JCHAIN: variants seen among roughly 807,000 people sequenced by gnomAD.
JCHAIN encodes the protein immunoglobulin J chain.
A neutral mutation model predicts 11.1 loss-of-function variants in JCHAIN; 5 were observed. That is an observed-to-expected ratio of 0.45 (90% CI 0.24 to 0.95). The LOEUF (loss-of-function observed/expected upper bound fraction) is 0.95. Among genes scored for constraint, JCHAIN ranks in the 40% least tolerant of loss-of-function variants. JCHAIN has a pLI of 0.21. For synonymous variants in JCHAIN, 51 were observed against 67.8 expected (o/e 0.75, Z 1.22); for missense variants, 165 against 192.7 (o/e 0.86, Z 0.85).
intron 1 of JCHAIN, among the ~76,000 whole-genome samples, chr4:70,664,388 T>A (rs1739114266): frequency 6.6e-6 from 1 of 152,050 alleles, no homozygotes; most frequent in African/African-American, 2.4e-5. Flanking sequence ...ATGATCAGAA[T>A]AGTTATAATT....
chr4:70,661,935 C>T (rs183644986), intron 2 of JCHAIN, among the ~76,000 whole-genome samples, 157 bp downstream of exon 2: 1 of 152,290 alleles, frequency 6.6e-6, no homozygotes, highest in Admixed American at 6.5e-5. Context: ...AATAAAATTG[C>T]CTCAAGCTCA....
intron 2 of JCHAIN, among the ~76,000 whole-genome samples, chr4:70,660,688 T>C (rs1176140840): frequency 1.3e-5 from 2 of 152,040 alleles, no homozygotes; most frequent in Admixed American, 1.3e-4. Flanking sequence ...CCAGCCCCAG[T>C]AGTGCTGAAT....
chr4:70,665,867 T>C, intron 1 of JCHAIN: 1 of 348,570 alleles, frequency 2.9e-6, no homozygotes, highest in South Asian at 2.2e-5. Flanking sequence ...TACCTCTAAA[T>C]TCAGAATGTA....
Position 70,661,588 on chromosome 4 carries a change from G to A in JCHAIN, c.188+504C>T, listed in dbSNP as rs752693438. ...GAGGATCGCTTGAGCTCAGAAGTTCGAGAACAGCCTGGGCAACATAGTGAG... is the reference window on the plus strand; with the variant it reads ...GAGGATCGCTTGAGCTCAGAAGTTCAAGAACAGCCTGGGCAACATAGTGAG... On this transcript the variant is annotated intron_variant, in intron 2 of 3. Coordinates refer to ENST00000254801, the MANE Select transcript of JCHAIN (RefSeq NM_144646.4). Among the ~76,000 whole-genome samples, 19 of 152,202 alleles carry A rather than the reference G, an allele frequency of 1.2e-4. No homozygotes were observed. In the Middle Eastern group the frequency reaches 0.017, roughly 136 times the overall value.
At chr4:70,657,164 C>A in intron 3 of JCHAIN, 47 bp downstream of exon 3, 1 of 961,342 alleles carries the variant, frequency 1.0e-6, no homozygotes, top group Non-Finnish European at 1.6e-6. Flanking sequence ...AAATTAAAAG[C>A]TATTAACTTC....
Position 70,656,087 on chromosome 4 carries a change from G to A in JCHAIN, c.*242C>T, listed in dbSNP as rs1458117433. 7 of 459,690 alleles carry A rather than the reference G, an allele frequency of 1.5e-5. No homozygotes were observed. The highest frequency in any genetic ancestry group is 9.8e-5 in the South Asian group (3 of 30,552). 28.5% of individuals were successfully genotyped at this position (459,690 alleles called of 1,614,324 possible). A position where few individuals can be genotyped will look rare whatever the true frequency, so the allele number is the denominator to read the frequency against. ...CTAAGAGAGCATACCTCTTTCAGGT[G>A]AGCATGATAATTGGAAGATTTTGAT... On this transcript the variant is annotated 3_prime_UTR_variant, in exon 4 of 4. Transcript: ENST00000254801.
intron 1 of JCHAIN, chr4:70,665,994 G>T: frequency 5.2e-6 from 1 of 191,218 alleles, no homozygotes. Context: ...ATAAATCTGT[G>T]GGATCAGATC....
intron 2 of JCHAIN, among the ~76,000 whole-genome samples, chr4:70,660,404 A>C (rs528335654): frequency 6.8e-6 from 1 of 146,998 alleles, no homozygotes; most frequent in East Asian, 2.0e-4. Flanking sequence ...TTTTTTGAGA[A>C]AGTCTCGCTC....
chr4:70,659,159 G>A (rs80078087), intron 2 of JCHAIN, among the ~76,000 whole-genome samples: 3,421 of 152,206 alleles, frequency 0.022, 116 homozygotes, highest in African/African-American at 0.072. Flanking sequence ...ATTCATACAT[G>A]CATAATTATC....
chr4:70,655,714 C>A lies in JCHAIN; in HGVS notation c.*615G>T, dbSNP rs556610364. 9.9e-5 allele frequency: 15 copies of A among 152,076 alleles called. No homozygotes were observed. Among genetic ancestry groups the A allele is most frequent in the African/African-American group, 3.4e-4 (14 of 41,488 alleles). 9.4% of individuals were successfully genotyped at this position (152,076 alleles called of 1,614,324 possible). A position where few individuals can be genotyped will look rare whatever the true frequency, so the allele number is the denominator to read the frequency against. Reference sequence around the variant, plus strand: ...TCATCTGCTTCCAAGTCTGTTATGTCCAAATATATTTTAATTATGCATTTA... The same window carrying A: ...TCATCTGCTTCCAAGTCTGTTATGTACAAATATATTTTAATTATGCATTTA... On this transcript the variant is annotated 3_prime_UTR_variant, in exon 4 of 4. Coordinates refer to ENST00000254801, the MANE Select transcript of JCHAIN (RefSeq NM_144646.4).
chr4:70,660,140 C>G (rs994114883), intron 2 of JCHAIN, among the ~76,000 whole-genome samples: 1 of 152,102 alleles, frequency 6.6e-6, no homozygotes, highest in Admixed American at 6.6e-5. Context: ...GTCATGTATG[C>G]CATTCTTTCC....
intron 1 of JCHAIN, among the ~76,000 whole-genome samples, chr4:70,663,869 GA>G (rs1172222149): frequency 6.6e-6 from 1 of 151,460 alleles, no homozygotes; most frequent in Non-Finnish European, 1.5e-5. Flanking sequence ...CAAATTACCA[GA>G]TTTTAAAAAT....
intron 1 of JCHAIN, chr4:70,663,531 A>G (rs1277555328): frequency 6.6e-6 from 1 of 151,828 alleles, no homozygotes; most frequent in African/African-American, 2.4e-5. Flanking sequence ...GAAATTTTGT[A>G]TCATCTGGGT....
At chr4:70,663,210 C>T (rs1356235968) in intron 1 of JCHAIN, among the ~76,000 whole-genome samples, 2 of 152,018 alleles carry the variant, frequency 1.3e-5, no homozygotes, top group African/African-American at 2.4e-5. Context: ...TGTTTATTTG[C>T]CAGAATGTCT....
At chr4:70,665,995 G>T in intron 1 of JCHAIN, 1 of 188,514 alleles carries the variant, frequency 5.3e-6, no homozygotes, top group Non-Finnish European at 1.1e-5. Flanking sequence ...TAAATCTGTG[G>T]GATCAGATCC....
At chr4:70,662,015 T>TA (rs1365485271) in intron 2 of JCHAIN, 77 bp downstream of exon 2, 8 of 1,388,348 alleles carry the variant, frequency 5.8e-6, no homozygotes, top group Non-Finnish European at 8.1e-6. Flanking sequence ...AGGCAGGTGT[T>TA]ACATTCAAAC....
chr4:70,655,587 G>A lies in JCHAIN; in HGVS notation c.*742C>T, dbSNP rs998641107. The A allele has an allele frequency of 3.9e-5, 6 of 151,996 alleles. No individual in the cohort carries two copies. Among genetic ancestry groups the A allele is most frequent in the East Asian group, 3.9e-4 (2 of 5,190 alleles). The allele number at this position is 151,996 out of a possible 1,614,324, so 9.4% of individuals were successfully genotyped here. A position where few individuals can be genotyped will look rare whatever the true frequency, so the allele number is the denominator to read the frequency against. Reference sequence around the variant, plus strand: ...TTGCTCAGACTGTGCTAGAGAATACGTACCATGAAATACATATATTTCATA... The same window carrying A: ...TTGCTCAGACTGTGCTAGAGAATACATACCATGAAATACATATATTTCATA... On this transcript the variant is annotated 3_prime_UTR_variant, in exon 4 of 4. Transcript: ENST00000254801.
At chr4:70,660,113 A>G (rs1560410663) in intron 2 of JCHAIN, among the ~76,000 whole-genome samples, 1 of 152,184 alleles carries the variant, frequency 6.6e-6, no homozygotes, top group Non-Finnish European at 1.5e-5. Flanking sequence ...ACTCTTCAAC[A>G]TGGCTTAAGT....
rs765024792 is a variant in JCHAIN at position 70,662,184 on chromosome 4, G to T, written c.96C>A (p.Asp32Glu). Residue 32 changes from aspartate to glutamate, a missense_variant, in exon 2 of 4, where the codon GAC (aspartate) becomes GAA (glutamate). Asp to Glu is a conservative substitution (Grantham distance 45). Coordinates refer to ENST00000254801, the MANE Select transcript of JCHAIN (RefSeq NM_144646.4). ...AQEDERIVLV[D>E]NKCKCARITS... ...TAATCCGGGCACACTTACATTTGTTGTCAACAAGAACAATCCTTTCATCTT... is the reference window on the plus strand; with the variant it reads ...TAATCCGGGCACACTTACATTTGTTTTCAACAAGAACAATCCTTTCATCTT... The T allele has an allele frequency of 1.1e-5, 18 of 1,613,354 alleles. No homozygotes were observed. Among genetic ancestry groups the T allele is most frequent in the Non-Finnish European group, 1.5e-5 (18 of 1,179,440 alleles).
Sources: allele counts gnomAD v4.1 joint callset (sites outside exome capture counted in the v4.1 genomes callset), GRCh38; gene constraint gnomAD v4.1.1; transcripts MANE v1.5; gene names NCBI Gene and HGNC (gene_info 2026-07-23, HGNC 2026-07-21).